The following CLIC5 variants were observed in gnomAD, a reference collection of about 807,000 sequenced individuals.
CLIC5 encodes the protein CLIC family member 5.
A neutral mutation model predicts 24.7 loss-of-function variants in CLIC5; 20 were observed. The ratio of observed to expected loss-of-function variants is 0.81; its 90% CI spans 0.57 to 1.18. The LOEUF (loss-of-function observed/expected upper bound fraction) is 1.18. CLIC5 is among the 50% of genes most tolerant of loss of function. The pLI is 0.00. For synonymous variants in CLIC5, 159 were observed against 135.6 expected (o/e 1.17, Z -1.20); for missense variants, 341 against 326.1 (o/e 1.05, Z -0.35).
chr6:46,029,536 A>G (rs570117652), intron 1 of CLIC5, among the ~76,000 whole-genome samples: 3 of 152,292 alleles, frequency 2.0e-5, no homozygotes, highest in South Asian at 2.1e-4. Context: ...CTTATCCTAT[A>G]TGTTGTCTCT....
At chr6:45,961,359 G>T (rs1215057717) in intron 1 of CLIC5, among the ~76,000 whole-genome samples, 2 of 152,160 alleles carry the variant, frequency 1.3e-5, no homozygotes, top group East Asian at 3.9e-4. Context: ...CTTTTTACTG[G>T]TAGAGAAATA....
upstream of CLIC5, among the ~76,000 whole-genome samples, chr6:46,082,217 A>G (rs564068413): frequency 6.6e-6 from 1 of 152,284 alleles, no homozygotes; most frequent in Non-Finnish European, 1.5e-5. Flanking sequence ...TGGATACAGC[A>G]TGTTGTCAAG....
intron 1 of CLIC5, among the ~76,000 whole-genome samples, chr6:45,998,165 T>C (rs990003630): frequency 9.2e-5 from 14 of 152,146 alleles, no homozygotes; most frequent in African/African-American, 3.4e-4. Context: ...GCAAAATTGG[T>C]TTGGAAATGA....
chr6:46,063,641 T>C (rs865978691), intron 1 of CLIC5, among the ~76,000 whole-genome samples: 1 of 152,148 alleles, frequency 6.6e-6, no homozygotes. Context: ...GGGAGAAAAC[T>C]ATCAAGTATG....
Position 46,075,513 on chromosome 6 carries a change from A to C in CLIC5, c.540+4190T>G, listed in dbSNP as rs902889835. Among the ~76,000 whole-genome samples the C allele has an allele frequency of 3.3e-5, 5 of 152,152 alleles. No homozygotes were observed. In the South Asian group the frequency reaches 1.0e-3, roughly 32 times the overall value. The stretch of plus-strand genomic sequence containing the variant: ...GGCGGGAGAATGGCTTGAGCCCAGG[A>C]GATTGAGGCTGCAATGAGCTGTGTT... On this transcript the variant is annotated intron_variant, in intron 1 of 5. Transcript: ENST00000185206.
At chr6:46,105,591 T>TA in the CLIC5 span, among the ~76,000 whole-genome samples, 5 of 152,208 alleles carry the variant, frequency 3.3e-5, no homozygotes, top group Admixed American at 6.5e-5. Flanking sequence ...AAGGGAGTGC[T>TA]AGTGACTCAG....
chr6:45,914,271 G>T lies in CLIC5; in HGVS notation c.545C>A (p.Thr182Asn). The stretch of plus-strand genomic sequence containing the variant: ...GGGCAACAGATTGCAGTCAGCCAGG[G>T]TCAGCTCATCCCCATCCAGGAACTT... The part of the protein sequence containing the change: ...RRKFLDGDEL[T>N]LADCNLLPKL... Residue 182 changes from threonine (T) to asparagine (N), a missense_variant, in exon 5 of 6, where the codon ACC (threonine) becomes AAC (asparagine). By Grantham distance (65) the Thr-to-Asn change is moderately conservative. Coordinates refer to ENST00000339561, the MANE Select transcript of CLIC5 (RefSeq NM_016929.5). 2 of 1,608,722 alleles carry T rather than the reference G, an allele frequency of 1.2e-6. No individual in the cohort carries two copies. The highest frequency in any genetic ancestry group is 2.7e-5 in the African/African-American group (2 of 74,978).
At chr6:45,919,707 A>G (rs1763177818) in intron 4 of CLIC5, among the ~76,000 whole-genome samples, 1 of 152,196 alleles carries the variant, frequency 6.6e-6, no homozygotes, top group Admixed American at 6.5e-5. Flanking sequence ...AGAGTTTAGA[A>G]CATCTTAGAC....
chr6:45,911,109 G>T (rs1050143015), intron 5 of CLIC5, among the ~76,000 whole-genome samples: 1 of 152,144 alleles, frequency 6.6e-6, no homozygotes, highest in African/African-American at 2.4e-5. Context: ...CATCTACAGA[G>T]CCCCTAAGTT....
chr6:45,944,026 G>A lies in CLIC5; in HGVS notation c.300-2373C>T, dbSNP rs570364222. Reference sequence around the variant, plus strand: ...ATAAGCGGGCTACAAAGTACATTCTGTTTCTCTAAAAGGCTAAGGAAGAGT... The same window carrying A: ...ATAAGCGGGCTACAAAGTACATTCTATTTCTCTAAAAGGCTAAGGAAGAGT... On this transcript the variant is annotated intron_variant, in intron 3 of 5. Coordinates refer to ENST00000339561, the MANE Select transcript of CLIC5 (RefSeq NM_016929.5). Among the ~76,000 whole-genome samples, 12 of 152,220 alleles carry A rather than the reference G, an allele frequency of 7.9e-5. No homozygotes were observed. The South Asian group carries it at 2.5e-3, about 32-fold the overall frequency.
intron 1 of CLIC5, among the ~76,000 whole-genome samples, chr6:46,064,103 A>G (rs1447091240): frequency 6.6e-6 from 1 of 152,340 alleles, no homozygotes; most frequent in South Asian, 2.1e-4. Context: ...ATATAAGGAC[A>G]TTAAAACTGC....
intron 1 of CLIC5, among the ~76,000 whole-genome samples, chr6:45,979,096 T>A (rs979647156): frequency 6.6e-6 from 1 of 152,202 alleles, no homozygotes; most frequent in Non-Finnish European, 1.5e-5. Flanking sequence ...AGTGGAGCCC[T>A]GGTTCCATTA....
chr6:46,001,149 T>A (rs533372274), intron 1 of CLIC5, among the ~76,000 whole-genome samples: 3 of 152,266 alleles, frequency 2.0e-5, no homozygotes, highest in African/African-American at 7.2e-5. Context: ...TCCTTTAGGG[T>A]GACCTTAACT....
chr6:46,094,502 C>T, the CLIC5 span, among the ~76,000 whole-genome samples: 1 of 152,096 alleles, frequency 6.6e-6, no homozygotes, highest in Non-Finnish European at 1.5e-5. Context: ...GAGAAATTGG[C>T]CCAAAAAAGG....
At chr6:45,904,008 A>AG (rs933118628) in intron 5 of CLIC5, among the ~76,000 whole-genome samples, 17 of 152,270 alleles carry the variant, frequency 1.1e-4, no homozygotes, top group Admixed American at 1.3e-4. Flanking sequence ...TGCCACAGTC[A>AG]GGGGGGATGT....
At chr6:45,936,028 T>C (rs1763918484) in intron 4 of CLIC5, among the ~76,000 whole-genome samples, 1 of 152,044 alleles carries the variant, frequency 6.6e-6, no homozygotes, top group Non-Finnish European at 1.5e-5. Context: ...TCCTTCTTTC[T>C]CTTCCTCCTT....
intron 4 of CLIC5, among the ~76,000 whole-genome samples, chr6:45,940,371 G>A (rs946944466): frequency 1.3e-5 from 2 of 152,222 alleles, no homozygotes; most frequent in Non-Finnish European, 2.9e-5. Flanking sequence ...GGAAGTGTTT[G>A]TTTCTTCTTT....
At chr6:46,118,669 G>A in the CLIC5 span, among the ~76,000 whole-genome samples, 1 of 152,120 alleles carries the variant, frequency 6.6e-6, no homozygotes, top group Admixed American at 6.5e-5. Context: ...AAACTTTCCA[G>A]CCTCAATCCC....
At chr6:46,094,718 C>T in the CLIC5 span, among the ~76,000 whole-genome samples, 6 of 152,194 alleles carry the variant, frequency 3.9e-5, no homozygotes, top group South Asian at 8.3e-4. Flanking sequence ...TCACTGAGTG[C>T]CTGTGGCTTT....
Sources: gnomAD v4.1 joint callset for allele counts (sites outside exome capture counted in the v4.1 genomes callset) on GRCh38, gnomAD v4.1.1 for gene constraint, MANE v1.5 for transcripts, NCBI Gene and HGNC (gene_info 2026-07-23, HGNC 2026-07-21) for gene names.